Variants in MED13L observed in about 807,000 individuals in gnomAD.
The protein encoded by MED13L is mediator complex subunit 13L.
MED13L carries 7 observed loss-of-function variants against 220.9 expected under a neutral mutation model. The ratio of observed to expected loss-of-function variants is 0.03; its 90% confidence interval spans 0.02 to 0.06. The LOEUF (loss-of-function observed/expected upper bound fraction) is 0.06, where lower values mean the gene tolerates loss of function less well. MED13L is among the 10% of genes least tolerant of loss of function. The pLI is 1.00. For synonymous variants in MED13L, 1,011 were observed against 1,015.2 expected, an observed-to-expected ratio of 1.00 and a Z score of 0.08; for missense variants, 1,965 against 2,760.5, an observed-to-expected ratio of 0.71 and a Z score of 6.46.
At chr12:116,226,068 T>C (rs1470018977) in intron 2 of MED13L, among the ~76,000 whole-genome samples, 3 of 151,528 alleles carry the variant, frequency 2.0e-5, no homozygotes, top group Admixed American at 6.6e-5. Flanking sequence ...TCTTTTTTTT[T>C]TTTTTTTTTA....
intron 2 of MED13L, among the ~76,000 whole-genome samples, chr12:116,212,814 GACA>G (rs1345804473): frequency 6.6e-5 from 10 of 152,074 alleles, no homozygotes; most frequent in Non-Finnish European, 4.4e-5. Flanking sequence ...AGTCCTTACT[GACA>G]ACAAAACTAC....
intron 2 of MED13L, among the ~76,000 whole-genome samples, chr12:116,226,232 T>C (rs1273815139): frequency 6.6e-6 from 1 of 152,114 alleles, no homozygotes; most frequent in African/African-American, 2.4e-5. Flanking sequence ...GTGGATATTG[T>C]AGAAGCCCTT....
chr12:116,041,197 T>C (rs1167403321), intron 4 of MED13L, among the ~76,000 whole-genome samples: 1 of 152,178 alleles, frequency 6.6e-6, no homozygotes, highest in South Asian at 2.1e-4. Flanking sequence ...GGGATGGACA[T>C]ACCTCTTGCT....
intron 25 of MED13L, 125 bp downstream of exon 25, chr12:115,975,046 G>A (rs2137241195): frequency 9.9e-7 from 1 of 1,015,126 alleles, no homozygotes; most frequent in African/African-American, 1.6e-5. Context: ...ACATATAAAA[G>A]AATCATAAAA....
intron 27 of MED13L, among the ~76,000 whole-genome samples, chr12:115,970,055 C>T (rs1876474568): frequency 6.6e-6 from 1 of 152,020 alleles, no homozygotes; most frequent in African/African-American, 2.4e-5. Flanking sequence ...TAAATAAACA[C>T]TGGTAGGTGT....
intron 2 of MED13L, among the ~76,000 whole-genome samples, chr12:116,202,640 T>C (rs547308015): frequency 5.3e-5 from 8 of 152,276 alleles, no homozygotes; most frequent in Non-Finnish European, 1.0e-4. Context: ...AGTTACTTCA[T>C]TGCCCCATGC....
chr12:116,061,050 TGATCATTAA>T (rs1869432432), intron 4 of MED13L, among the ~76,000 whole-genome samples: 1 of 152,172 alleles, frequency 6.6e-6, no homozygotes, highest in South Asian at 2.1e-4. Flanking sequence ...ATAAACAAGC[TGATCATTAA>T]GTTAAATGCT....
chr12:116,217,810 TAAAC>T (rs569883101), intron 2 of MED13L, among the ~76,000 whole-genome samples: 107 of 152,202 alleles, frequency 7.0e-4, no homozygotes, highest in African/African-American at 1.8e-3. Flanking sequence ...GATGATTAAA[TAAAC>T]AAAAACACAC....
chr12:116,248,800 A>G (rs1162286052), intron 1 of MED13L, among the ~76,000 whole-genome samples: 2 of 152,260 alleles, frequency 1.3e-5, no homozygotes, highest in Non-Finnish European at 2.9e-5. Context: ...AGGATAACAT[A>G]CACAGACAAA....
intron 2 of MED13L, among the ~76,000 whole-genome samples, chr12:116,157,364 A>C (rs1220698165): frequency 6.6e-6 from 1 of 152,136 alleles, no homozygotes; most frequent in Non-Finnish European, 1.5e-5. Context: ...GTCTATCTTC[A>C]CAGCTGTATC....
At chr12:116,060,970 A>G (rs775211459) in intron 4 of MED13L, among the ~76,000 whole-genome samples, 8 of 152,218 alleles carry the variant, frequency 5.3e-5, no homozygotes, top group Non-Finnish European at 1.0e-4. Flanking sequence ...GCATGTGGGC[A>G]TATGTGTCTT....
intron 4 of MED13L, among the ~76,000 whole-genome samples, chr12:116,086,525 G>A (rs892662831): frequency 6.6e-6 from 1 of 152,128 alleles, no homozygotes; most frequent in African/African-American, 2.4e-5. Flanking sequence ...CAAGTGATCT[G>A]CCTGTCTCGG....
intron 2 of MED13L, among the ~76,000 whole-genome samples, chr12:116,170,608 G>GTTTTTTTT: frequency 8.0e-6 from 1 of 124,500 alleles, no homozygotes; most frequent in Non-Finnish European, 1.7e-5. Context: ...TTTTTTTTTT[G>GTTTTTTTT]TTTTTTTTTT....
intron 4 of MED13L, among the ~76,000 whole-genome samples, chr12:116,059,973 T>C (rs945635416): frequency 6.6e-6 from 1 of 152,164 alleles, no homozygotes; most frequent in African/African-American, 2.4e-5. Flanking sequence ...CACTGTGATA[T>C]AGAACCCCTT....
intron 17 of MED13L, among the ~76,000 whole-genome samples, chr12:115,990,102 C>T (rs1338958753): frequency 6.6e-6 from 1 of 152,160 alleles, no homozygotes; most frequent in Admixed American, 6.5e-5. Flanking sequence ...TTTCTAAAGG[C>T]CCCAAGCTCC....
At chr12:116,090,529 T>C (rs889931212) in intron 4 of MED13L, among the ~76,000 whole-genome samples, 3 of 152,110 alleles carry the variant, frequency 2.0e-5, no homozygotes, top group African/African-American at 7.2e-5. Context: ...ATAAAAGATA[T>C]GGATATATAC....
chr12:116,045,125 G>C (rs938806452), intron 4 of MED13L, among the ~76,000 whole-genome samples: 2 of 152,200 alleles, frequency 1.3e-5, no homozygotes, highest in African/African-American at 4.8e-5. Flanking sequence ...TTATATTTTA[G>C]TGACTTTCTC....
chr12:116,008,764 G>A lies in MED13L; in HGVS notation c.1649C>T (p.Ser550Phe). Residue 550 changes from serine (S) to phenylalanine (F), a missense_variant, in exon 10 of 31, where the codon TCC (serine) becomes TTC (phenylalanine). By Grantham distance (155) the Ser-to-Phe change is radical. Coordinates refer to ENST00000281928, the MANE Select transcript of MED13L (RefSeq NM_015335.5). ...MNLNPMDSPH[S>F]PISPLPPTLS... ...TGTTGGTGGCAGAGGGGATATAGGG[G>A]AATGAGGTGAATCCATAGGATTCAG... is the stretch of plus-strand genomic sequence containing the variant. 6.2e-7 allele frequency: 1 copy of A among 1,614,038 alleles called. No homozygotes were observed. The highest frequency in any genetic ancestry group is 8.5e-7 in the Non-Finnish European group (1 of 1,180,006).
chr12:116,135,773 T>C (rs1372438638), intron 2 of MED13L, among the ~76,000 whole-genome samples: 2 of 152,206 alleles, frequency 1.3e-5, no homozygotes, highest in African/African-American at 2.4e-5. Flanking sequence ...GAAACTTTAG[T>C]ATAAGTCAAT....
Sources: gnomAD v4.1 joint callset for allele counts (sites outside exome capture counted in the v4.1 genomes callset) on GRCh38, gnomAD v4.1.1 for gene constraint, MANE v1.5 for transcripts, NCBI Gene and HGNC (gene_info 2026-07-23, HGNC 2026-07-21) for gene names.